CRB1: variants seen among roughly 807,000 people sequenced by gnomAD.
CRB1 encodes the protein crumbs cell polarity complex component 1.
Under a neutral mutation model 120.0 loss-of-function variants are expected in CRB1, and 83 were observed. The ratio of observed to expected loss-of-function variants is 0.69; its 90% confidence interval spans 0.58 to 0.83. The LOEUF is 0.83. Ranked by LOEUF, CRB1 falls within the 40% of genes least tolerant of loss-of-function variation. The pLI is 0.00. For synonymous variants in CRB1, 625 were observed against 612.5 expected, an observed-to-expected ratio of 1.02 and a Z score of -0.30; for missense variants, 1,699 against 1,687.6, an observed-to-expected ratio of 1.01 and a Z score of -0.12.
intron 5 of CRB1, among the ~76,000 whole-genome samples, chr1:197,368,538 T>C (rs17618450): frequency 0.072 from 11,025 of 152,292 alleles, 511 homozygotes; most frequent in Non-Finnish European, 0.098. Context: ...TGTTGATTGC[T>C]TACTGCCTAT....
chr1:197,359,373 T>G lies in CRB1; in HGVS notation c.1171+2360T>G, dbSNP rs77060328. On this transcript the variant is annotated intron_variant, in intron 5 of 11. Coordinates refer to ENST00000367400, the MANE Select transcript of CRB1 (RefSeq NM_201253.3). ...AGTTTTTTTTTTTTTCCACTCAGCATCATTCTTTGGAGATTTATTGAGGTT... is the reference window on the plus strand; with the variant it reads ...AGTTTTTTTTTTTTTCCACTCAGCAGCATTCTTTGGAGATTTATTGAGGTT... Among the ~76,000 whole-genome samples, 277 of 152,046 alleles carry G rather than the reference T, an allele frequency of 1.8e-3. 3 individuals are homozygous for G. In the East Asian group the frequency reaches 0.02, roughly 11 times the overall value.
At chr1:197,249,108 T>C in the CRB1 span, among the ~76,000 whole-genome samples, 1 of 151,954 alleles carries the variant, frequency 6.6e-6, no homozygotes, top group Non-Finnish European at 1.5e-5. Flanking sequence ...ATATACCTTT[T>C]TGTAATTCAA....
rs532240603 is a variant in CRB1, at chr1:197,422,046, A to G, written c.2128+90A>G. On this transcript the variant is annotated intron_variant, in intron 6 of 11. Transcript: ENST00000367400. ...AACAGCCAGACTGCTTCTGCCTGCT[A>G]TGAAACATAATGACCCCACAAGACT... 2.3e-5 allele frequency: 27 copies of G among 1,162,418 alleles called. No individual in the cohort carries two copies. The African/African-American group carries it at 3.0e-4, about 13-fold the overall frequency. 72.0% of individuals were successfully genotyped at this position (1,162,418 alleles called of 1,614,324 possible). A position where few individuals can be genotyped will look rare whatever the true frequency, so the allele number is the denominator to read the frequency against.
chr1:197,346,777 C>T (rs928349590), intron 3 of CRB1, among the ~76,000 whole-genome samples: 2 of 152,118 alleles, frequency 1.3e-5, no homozygotes, highest in Non-Finnish European at 2.9e-5. Context: ...AATAGTAAGG[C>T]CTAAATATTC....
the CRB1 span, among the ~76,000 whole-genome samples, chr1:197,239,497 T>C: frequency 5.9e-5 from 9 of 152,210 alleles, 1 homozygote; most frequent in South Asian, 1.9e-3. Flanking sequence ...AAGTTGACTA[T>C]ACCTACCATT....
At chr1:197,426,730 C>A (rs1042953195) in intron 6 of CRB1, among the ~76,000 whole-genome samples, 1 of 152,132 alleles carries the variant, frequency 6.6e-6, no homozygotes. Context: ...ACCAGGACCA[C>A]AGAAGGAAGG....
chr1:197,201,546 C>T, the CRB1 span, among the ~76,000 whole-genome samples: 1 of 152,212 alleles, frequency 6.6e-6, no homozygotes, highest in Non-Finnish European at 1.5e-5. Context: ...ATCCGTTACT[C>T]CGGGTTTTCG....
the CRB1 span, among the ~76,000 whole-genome samples, chr1:197,262,457 T>C: frequency 1.7e-4 from 26 of 152,352 alleles, no homozygotes; most frequent in South Asian, 6.2e-4. Context: ...TTTTAGACTT[T>C]AACGACAAAT....
intron 8 of CRB1, among the ~76,000 whole-genome samples, chr1:197,432,405 T>TA (rs1664916444): frequency 1.9e-5 from 2 of 105,288 alleles, no homozygotes; most frequent in African/African-American, 6.9e-5. Context: ...CACACACACA[T>TA]AGTAAAAAAC....
intron 1 of CRB1, among the ~76,000 whole-genome samples, chr1:197,307,882 G>A (rs982730619): frequency 1.3e-5 from 2 of 152,110 alleles, no homozygotes; most frequent in African/African-American, 4.8e-5. Context: ...CCTTGAACAA[G>A]TTACTTAAAC....
intron 11 of CRB1, among the ~76,000 whole-genome samples, chr1:197,476,591 A>G (rs1667208503): frequency 1.3e-5 from 2 of 152,128 alleles, no homozygotes; most frequent in South Asian, 4.1e-4. Context: ...CAATACTATG[A>G]AGCTGTTAAA....
chr1:197,242,164 G>C, the CRB1 span, among the ~76,000 whole-genome samples: 3 of 152,148 alleles, frequency 2.0e-5, no homozygotes, highest in Admixed American at 2.0e-4. Context: ...CTTCCTATTT[G>C]AATACCCTTT....
rs1665039717 is a variant in CRB1, at chr1:197,434,712, C to T, written c.2849C>T (p.Ala950Val). The change falls in exon 9 of 12, where the codon GCA becomes GTA. Residue 950 changes from alanine to valine, a missense_variant. Ala to Val is a moderately conservative substitution (Grantham distance 64, BLOSUM62 0). Coordinates refer to ENST00000367400, the MANE Select transcript of CRB1 (RefSeq NM_201253.3). ...TATCACCTTCTCTCATTAGGTATTG[C>T]AAATGCTGTTTTTAATGGACAAAGC... Reference protein sequence around the residue: ...QPVLQGFECIANAVFNGQSGQ... With the variant: ...QPVLQGFECIVNAVFNGQSGQ... 1.2e-6 allele frequency: 2 copies of T among 1,612,672 alleles called. No homozygotes were observed. Among genetic ancestry groups the T allele is most frequent in the Non-Finnish European group, 8.5e-7 (1 of 1,179,034 alleles).
At chr1:197,336,176 A>T (rs1200139255) in intron 2 of CRB1, among the ~76,000 whole-genome samples, 1 of 152,206 alleles carries the variant, frequency 6.6e-6, no homozygotes, top group Non-Finnish European at 1.5e-5. Context: ...AATAGTCCTC[A>T]TCCATGCTGA....
rs896077521 is a variant in CRB1 at position 197,361,201 on chromosome 1, T to C, written c.1171+4188T>C. Among the ~76,000 whole-genome samples the C allele has an allele frequency of 4.2e-5, 6 of 143,096 alleles. 1 individual carries two copies. The highest frequency in any genetic ancestry group is 1.5e-4 in the African/African-American group (6 of 38,772). 93.9% of individuals were successfully genotyped at this position (143,096 alleles called of 152,430 possible). Reference sequence around the variant, plus strand: ...TGGTCTATAGTTTTCTTTCTCTCTCTTTTTTTTTTTGTACTGTCTTTGTCT... The same window carrying C: ...TGGTCTATAGTTTTCTTTCTCTCTCCTTTTTTTTTTGTACTGTCTTTGTCT... On this transcript the variant is annotated intron_variant, in intron 5 of 11. Coordinates refer to ENST00000367400, the MANE Select transcript of CRB1 (RefSeq NM_201253.3).
Position 197,328,409 on chromosome 1 carries a change from TA to T in CRB1, c.71-12del, listed in dbSNP as rs369741574. ...TTATAAATTTAATCTTGTTACTTTT[TA>T]TTTCCTTGTAGATTCCTTTTGCAAT... On this transcript the variant is annotated splice_polypyrimidine_tract_variant and intron_variant, in intron 1 of 11. Coordinates refer to ENST00000367400, the MANE Select transcript of CRB1 (RefSeq NM_201253.3). 4.3e-5 allele frequency: 68 copies of T among 1,588,608 alleles called. No homozygotes were observed. The highest frequency in any genetic ancestry group is 8.9e-5 in the South Asian group (8 of 90,136).
intron 4 of CRB1, among the ~76,000 whole-genome samples, chr1:197,349,392 AT>A (rs1659959552): frequency 6.6e-6 from 1 of 152,182 alleles, no homozygotes; most frequent in Non-Finnish European, 1.5e-5. Flanking sequence ...TCTAATTCTC[AT>A]TAGGATTTTT....
At chr1:197,453,537 T>G (rs576357073) in intron 11 of CRB1, among the ~76,000 whole-genome samples, 245 of 63,026 alleles carry the variant, frequency 3.9e-3, no homozygotes, top group African/African-American at 9.4e-3. Context: ...TATATATATA[T>G]ATAGAGAGAG....
chr1:197,319,622 T>G (rs1260324745), intron 1 of CRB1, among the ~76,000 whole-genome samples: 1 of 152,068 alleles, frequency 6.6e-6, no homozygotes, highest in Non-Finnish European at 1.5e-5. Context: ...AACAAAATAT[T>G]TAGGATCAGT....
Sources: gnomAD v4.1 joint callset for allele counts (sites outside exome capture counted in the v4.1 genomes callset) on GRCh38, gnomAD v4.1.1 for gene constraint, MANE v1.5 for transcripts, NCBI Gene and HGNC (gene_info 2026-07-23, HGNC 2026-07-21) for gene names.